Variants in CCDC38 observed in about 807,000 individuals in gnomAD.
CCDC38 encodes the protein coiled-coil domain containing 38.
CCDC38 carries 69 observed loss-of-function variants against 72.8 expected under a neutral mutation model. The ratio of observed to expected loss-of-function variants is 0.95; its 90% CI spans 0.78 to 1.16. CCDC38 has a LOEUF of 1.16. Among genes scored for constraint, CCDC38 ranks in the 50% most tolerant of loss-of-function variants. CCDC38 has a pLI of 0.00. For missense variants in CCDC38, 626 were observed against 638.9 expected (o/e 0.98, Z 0.22); for synonymous variants, 201 against 213.2 (o/e 0.94, Z 0.50).
In CCDC38 at chr12:95,938,649, T is replaced by TA. The variant is rs541384465; in HGVS notation, c.-14-2127dup. Among the ~76,000 whole-genome samples, 231 of 152,334 alleles carry TA rather than the reference T, an allele frequency of 1.5e-3. 1 individual carries two copies. Among genetic ancestry groups the TA allele is most frequent in the African/African-American group, 5.3e-3 (221 of 41,580 alleles). On this transcript the variant is annotated intron_variant, in intron 1 of 15. Coordinates refer to ENST00000344280, the MANE Select transcript of CCDC38 (RefSeq NM_182496.3). Reference sequence around the variant, plus strand: ...ATGTTGTTATACTTCTATACTTCCATATGCATGAATTCCTGTATTGATGAA... The same window carrying TA: ...ATGTTGTTATACTTCTATACTTCCATAATGCATGAATTCCTGTATTGATGAA...
intron 7 of CCDC38, 63 bp downstream of exon 7, chr12:95,898,322 G>A: frequency 6.9e-7 from 1 of 1,456,854 alleles, no homozygotes; most frequent in Non-Finnish European, 9.6e-7. Context: ...GGTCTTACCT[G>A]GCATGAATAG....
intron 5 of CCDC38, among the ~76,000 whole-genome samples, chr12:95,905,861 GA>G (rs1164684798): frequency 1.3e-5 from 2 of 152,052 alleles, no homozygotes; most frequent in South Asian, 2.1e-4. Flanking sequence ...TTGATGGCAG[GA>G]AAAAAAGCCT....
chr12:95,937,309 C>A (rs2080404713), intron 1 of CCDC38, among the ~76,000 whole-genome samples: 3 of 152,102 alleles, frequency 2.0e-5, no homozygotes, highest in Admixed American at 2.0e-4. Flanking sequence ...TCTGTTATTT[C>A]ATTTATCATG....
intron 2 of CCDC38, among the ~76,000 whole-genome samples, chr12:95,921,106 C>A (rs764376729): frequency 1.2e-4 from 17 of 144,236 alleles, no homozygotes; most frequent in Non-Finnish European, 1.8e-4. Flanking sequence ...CCAGCCTGGG[C>A]AACAAGAGTG....
intron 8 of CCDC38, among the ~76,000 whole-genome samples, chr12:95,894,343 T>C (rs961320758): frequency 6.6e-6 from 1 of 152,248 alleles, no homozygotes; most frequent in Non-Finnish European, 1.5e-5. Flanking sequence ...GATTTCTAGG[T>C]ATGGCTACCA....
chr12:95,886,834 A>G (rs2079765127), intron 10 of CCDC38, among the ~76,000 whole-genome samples: 1 of 152,228 alleles, frequency 6.6e-6, no homozygotes, highest in Admixed American at 6.5e-5. Flanking sequence ...ATACAATGCT[A>G]GTGGGAATGT....
At chr12:95,886,107 G>A (rs982590354) in intron 10 of CCDC38, among the ~76,000 whole-genome samples, 3 of 152,134 alleles carry the variant, frequency 2.0e-5, no homozygotes, top group Admixed American at 2.0e-4. Flanking sequence ...TCAAGATCAT[G>A]TGGCAGGACA....
At position 95,905,714 on chromosome 12, in the gene CCDC38, GTTCAA is replaced by G. The variant is rs554549831; in HGVS notation, c.369+668_369+672del. ...TACTTGACAATAAAGGTATAAAAAT[GTTCAA>G]TTCATTCATTTTGTAATTATTTTCC... On this transcript the variant is annotated intron_variant, in intron 5 of 15. Transcript: ENST00000344280. Among the ~76,000 whole-genome samples the G allele has an allele frequency of 6.2e-3, 949 of 152,278 alleles. 7 individuals carry two copies. The highest frequency in any genetic ancestry group is 0.021 in the African/African-American group (887 of 41,556).
At chr12:95,867,473 A>G (rs2079533107) in intron 15 of CCDC38, among the ~76,000 whole-genome samples, 1 of 152,196 alleles carries the variant, frequency 6.6e-6, no homozygotes, top group East Asian at 1.9e-4. Context: ...ATATGGTTCA[A>G]ATGTGGTCAG....
intron 10 of CCDC38, among the ~76,000 whole-genome samples, chr12:95,883,919 CTG>C (rs2121438046): frequency 6.6e-6 from 1 of 152,276 alleles, no homozygotes; most frequent in East Asian, 1.9e-4. Flanking sequence ...CTCAGGAAAA[CTG>C]GAACAGAGAA....
intron 7 of CCDC38, among the ~76,000 whole-genome samples, chr12:95,898,142 A>G (rs2079910477): frequency 6.6e-6 from 1 of 152,238 alleles, no homozygotes; most frequent in Non-Finnish European, 1.5e-5. Flanking sequence ...GTTTTGCTTC[A>G]TCTAACTTCT....
At position 95,895,107 on chromosome 12, in the gene CCDC38, C is replaced by T. The variant is rs1293079824; in HGVS notation, c.654G>A (p.Met218Ile). Residue 218 changes from methionine (M) to isoleucine (I), a missense_variant, in exon 8 of 16, where the codon ATG becomes ATA. Coordinates refer to ENST00000344280, the MANE Select transcript of CCDC38 (RefSeq NM_182496.3). ...TTTGCAGCAGAAAAAAACCATATTT[C>T]ATATACTCCCTGAGGAGGAATTCTG... is the stretch of plus-strand genomic sequence containing the variant. ...AKTEFLLREY[M>I]KYGFFLLQMS... The T allele has an allele frequency of 6.2e-7, 1 of 1,612,468 alleles. No individual in the cohort carries two copies. The highest frequency in any genetic ancestry group is 8.5e-7 in the Non-Finnish European group (1 of 1,179,460).
chr12:95,895,037 G>T lies in CCDC38; in HGVS notation c.724C>A (p.Gln242Lys). ...ATATTTGCTTTACTTTTTGATGCCTGTGCTCTTTTTAGTGCTTGCTGGATT... is the reference window on the plus strand; with the variant it reads ...ATATTTGCTTTACTTTTTGATGCCTTTGCTCTTTTTAGTGCTTGCTGGATT... The part of the protein sequence containing the change: ...WQIQQALKRA[Q>K]ASKSKANIIL... Residue 242 changes from glutamine to lysine, a missense_variant, in exon 8 of 16, where the codon CAG becomes AAG. Coordinates refer to ENST00000344280, the MANE Select transcript of CCDC38 (RefSeq NM_182496.3). The T allele has an allele frequency of 6.2e-7, 1 of 1,612,110 alleles. No homozygotes were observed. The highest frequency in any genetic ancestry group is 1.7e-4 in the Middle Eastern group (1 of 6,054).
chr12:95,914,952 T>C (rs1349848279), intron 4 of CCDC38, among the ~76,000 whole-genome samples: 2 of 152,236 alleles, frequency 1.3e-5, no homozygotes, highest in African/African-American at 4.8e-5. Context: ...AGGTTCAATT[T>C]ACTCAAACAT....
chr12:95,898,057 C>A (rs146931726), intron 7 of CCDC38, among the ~76,000 whole-genome samples: 76 of 152,172 alleles, frequency 5.0e-4, no homozygotes, highest in African/African-American at 1.8e-3. Context: ...CCAGACTAAA[C>A]TAAAAATATA....
intron 2 of CCDC38, among the ~76,000 whole-genome samples, chr12:95,923,399 G>A (rs1283867037): frequency 8.6e-5 from 13 of 152,014 alleles, no homozygotes; most frequent in Admixed American, 8.5e-4. Flanking sequence ...CTGGACCCCA[G>A]ACATCCCAAT....
intron 8 of CCDC38, among the ~76,000 whole-genome samples, chr12:95,893,493 T>TTTCG: frequency 6.8e-6 from 1 of 147,368 alleles, no homozygotes. Context: ...TCTTTCTTTC[T>TTTCG]CTCTTTTTTG....
chr12:95,868,429 G>A (rs980272905), intron 15 of CCDC38, among the ~76,000 whole-genome samples: 4 of 152,122 alleles, frequency 2.6e-5, no homozygotes, highest in Non-Finnish European at 5.9e-5. Flanking sequence ...GGACAGGTGA[G>A]GAAAGTCTTC....
At chr12:95,892,851 G>A (rs187423852) in intron 8 of CCDC38, among the ~76,000 whole-genome samples, 61 of 152,212 alleles carry the variant, frequency 4.0e-4, no homozygotes, top group African/African-American at 1.3e-3. Context: ...TTACAGGCAT[G>A]AGCCACCACA....
Sources: allele counts gnomAD v4.1 joint callset (sites outside exome capture counted in the v4.1 genomes callset), GRCh38; gene constraint gnomAD v4.1.1; transcripts MANE v1.5; gene names NCBI Gene and HGNC (gene_info 2026-07-23, HGNC 2026-07-21).